PCDH9: variants seen among roughly 807,000 people sequenced by gnomAD.
PCDH9 encodes the protein protocadherin 9, also known as protocadherin-9.
In PCDH9, 24 loss-of-function variants were observed where a neutral mutation model predicts 70.6. The observed-to-expected ratio is 0.34, with a 90% CI of 0.25 to 0.48. PCDH9 has a LOEUF of 0.48. PCDH9 is among the 20% of genes least tolerant of loss of function. The probability of loss-of-function intolerance (pLI) is 0.99; values close to 1 mark genes in which losing one functional copy is unlikely to be tolerated. For synonymous variants in PCDH9, 562 were observed against 558.5 expected (o/e 1.01, Z -0.09); for missense variants, 1,281 against 1,503.6 (o/e 0.85, Z 2.45).
intron 4 of PCDH9, among the ~76,000 whole-genome samples, chr13:66,589,030 T>C (rs1326609311): frequency 6.6e-6 from 1 of 152,072 alleles, no homozygotes; most frequent in Non-Finnish European, 1.5e-5. Flanking sequence ...ATATAAAATG[T>C]TCCCTTTTAC....
chr13:67,159,948 G>A (rs192986959), intron 2 of PCDH9, among the ~76,000 whole-genome samples: 28 of 152,134 alleles, frequency 1.8e-4, no homozygotes, highest in Non-Finnish European at 3.5e-4. Context: ...GATTTTAAGG[G>A]CTTCTTTGCA....
At chr13:67,123,649 C>T (rs2086918663) in intron 2 of PCDH9, among the ~76,000 whole-genome samples, 1 of 152,052 alleles carries the variant, frequency 6.6e-6, no homozygotes, top group Admixed American at 6.6e-5. Flanking sequence ...AATGAATTTG[C>T]TGTTTCATTT....
chr13:66,572,003 GA>G (rs1047376635), intron 4 of PCDH9, among the ~76,000 whole-genome samples: 9 of 149,078 alleles, frequency 6.0e-5, no homozygotes, highest in South Asian at 2.1e-4. Context: ...TGTCACAATG[GA>G]AAAAAAAAGA....
intron 2 of PCDH9, among the ~76,000 whole-genome samples, chr13:66,958,111 C>A (rs965231750): frequency 6.6e-6 from 1 of 152,044 alleles, no homozygotes; most frequent in Non-Finnish European, 1.5e-5. Context: ...TGAAGAGGCA[C>A]CCCAATTTGA....
chr13:66,918,836 T>C (rs1056437474), intron 2 of PCDH9, among the ~76,000 whole-genome samples: 2 of 151,310 alleles, frequency 1.3e-5, no homozygotes, highest in Non-Finnish European at 3.0e-5. Flanking sequence ...ATTGAACTCT[T>C]ACTTGTGCTT....
chr13:66,695,218 T>C (rs1593907684), intron 3 of PCDH9, among the ~76,000 whole-genome samples: 1 of 152,302 alleles, frequency 6.6e-6, no homozygotes, highest in African/African-American at 2.4e-5. Context: ...ATGTTTTAAA[T>C]AACGAATGTA....
chr13:66,805,713 G>A (rs773158885), intron 3 of PCDH9, among the ~76,000 whole-genome samples: 23 of 152,048 alleles, frequency 1.5e-4, no homozygotes, highest in Non-Finnish European at 1.0e-4. Context: ...TTCCAATTCC[G>A]TCCTATGTCC....
chr13:66,419,888 C>T (rs189607544), intron 4 of PCDH9, among the ~76,000 whole-genome samples: 1 of 152,144 alleles, frequency 6.6e-6, no homozygotes, highest in East Asian at 1.9e-4. Flanking sequence ...GCAGATCCCA[C>T]CCCCTATGGA....
chr13:66,765,356 A>C (rs2079698564), intron 3 of PCDH9, among the ~76,000 whole-genome samples: 1 of 152,006 alleles, frequency 6.6e-6, no homozygotes. Context: ...TAACTTTTCT[A>C]TCTGGACCCC....
At chr13:67,150,376 T>C (rs1015636864) in intron 2 of PCDH9, among the ~76,000 whole-genome samples, 6 of 152,176 alleles carry the variant, frequency 3.9e-5, no homozygotes, top group Non-Finnish European at 7.3e-5. Flanking sequence ...GCCCAAAGTG[T>C]TGGTTTCCAT....
At chr13:66,676,407 A>C (rs921707204) in intron 3 of PCDH9, among the ~76,000 whole-genome samples, 2 of 152,138 alleles carry the variant, frequency 1.3e-5, no homozygotes, top group Admixed American at 1.3e-4. Flanking sequence ...TACTTATTTT[A>C]AGTCAGTATC....
intron 4 of PCDH9, among the ~76,000 whole-genome samples, chr13:66,542,682 A>G (rs1240120478): frequency 2.1e-5 from 2 of 94,728 alleles, no homozygotes; most frequent in African/African-American, 2.9e-5. Flanking sequence ...ATTTAAATAT[A>G]TATATGTTTA....
intron 3 of PCDH9, among the ~76,000 whole-genome samples, chr13:66,793,818 A>G (rs1199314539): frequency 6.6e-6 from 1 of 152,196 alleles, no homozygotes; most frequent in Non-Finnish European, 1.5e-5. Context: ...TAATGCTGTT[A>G]CATTCAAGCA....
chr13:67,209,552 T>A (rs1006198801), intron 2 of PCDH9: 2 of 152,092 alleles, frequency 1.3e-5, no homozygotes, highest in African/African-American at 4.8e-5. Context: ...AAGAATTTGG[T>A]CTTCCTAAAC....
chr13:66,650,147 T>G (rs950801867), intron 3 of PCDH9, among the ~76,000 whole-genome samples: 8 of 152,028 alleles, frequency 5.3e-5, no homozygotes, highest in African/African-American at 1.9e-4. Flanking sequence ...AATAATAACA[T>G]TGACTGTAAA....
At chr13:66,615,139 T>C (rs1319491699) in intron 4 of PCDH9, among the ~76,000 whole-genome samples, 3 of 152,220 alleles carry the variant, frequency 2.0e-5, no homozygotes, top group Non-Finnish European at 4.4e-5. Context: ...TTCTTTATTA[T>C]GGCTAGAAGA....
At chr13:67,132,079 T>C (rs1312950185) in intron 2 of PCDH9, among the ~76,000 whole-genome samples, 2 of 152,166 alleles carry the variant, frequency 1.3e-5, no homozygotes, top group African/African-American at 4.8e-5. Flanking sequence ...CTCAAGTGTC[T>C]AGTCTGGCTT....
chr13:66,669,285 A>T (rs1020841389), intron 3 of PCDH9, among the ~76,000 whole-genome samples: 1 of 152,188 alleles, frequency 6.6e-6, no homozygotes, highest in African/African-American at 2.4e-5. Context: ...AATGTCTCAT[A>T]GTAACTTTTC....
At chr13:66,369,105 A>G (rs977229890) in intron 4 of PCDH9, among the ~76,000 whole-genome samples, 9 of 152,158 alleles carry the variant, frequency 5.9e-5, no homozygotes, top group Non-Finnish European at 1.2e-4. Flanking sequence ...TGTTGGATTT[A>G]CAAGTATACT....
Sources: gnomAD v4.1 joint callset for allele counts (sites outside exome capture counted in the v4.1 genomes callset) on GRCh38, gnomAD v4.1.1 for gene constraint, MANE v1.5 for transcripts, NCBI Gene and HGNC (gene_info 2026-07-23, HGNC 2026-07-21) for gene names.